The following BAZ2A variants were observed in gnomAD, a reference collection of about 807,000 sequenced individuals.
BAZ2A encodes bromodomain adjacent to zinc finger domain protein 2A.
BAZ2A carries 34 observed loss-of-function variants against 199.9 expected under a neutral mutation model. The ratio of observed to expected loss-of-function variants is 0.17; its 90% CI spans 0.13 to 0.23. The LOEUF is 0.23. Among genes scored for constraint, BAZ2A ranks in the 10% least tolerant of loss-of-function variants. The probability of loss-of-function intolerance (pLI) is 1.00; values close to 1 mark genes in which losing one functional copy is unlikely to be tolerated. For synonymous variants in BAZ2A, 857 were observed against 883.9 expected, an observed-to-expected ratio of 0.97 and a Z score of 0.54; for missense variants, 2,002 against 2,391.1, an observed-to-expected ratio of 0.84 and a Z score of 3.39.
At chr12:56,624,547 CT>C (rs1951020279) in intron 1 of BAZ2A, among the ~76,000 whole-genome samples, 2 of 150,688 alleles carry the variant, frequency 1.3e-5, no homozygotes, top group South Asian at 4.2e-4. Context: ...GTAAATCTAC[CT>C]TTTCTGCCAC....
In BAZ2A at chr12:56,599,498, G is replaced by A. The variant is rs1886203070; in HGVS notation, c.5173-140C>T. 3.3e-6 allele frequency: 4 copies of A among 1,227,312 alleles called. No individual in the cohort carries two copies. In the South Asian group the frequency reaches 6.1e-5, roughly 19 times the overall value. The allele number at this position is 1,227,312 out of a possible 1,614,324, so 76.0% of individuals were successfully genotyped here. Reference sequence around the variant, plus strand: ...CATTGGTTTATTCACATAACCCAATGAAGTAGGTAAAAGGGAAGGTATAGT... The same window carrying A: ...CATTGGTTTATTCACATAACCCAATAAAGTAGGTAAAAGGGAAGGTATAGT... On this transcript the variant is annotated intron_variant, in intron 26 of 28. Transcript: ENST00000549884.
intron 1 of BAZ2A, among the ~76,000 whole-genome samples, chr12:56,623,180 G>A (rs1385391314): frequency 2.6e-5 from 4 of 151,550 alleles, no homozygotes; most frequent in Non-Finnish European, 5.9e-5. Flanking sequence ...AGGTTGCAGT[G>A]AGCCGAGATC....
chr12:56,605,203 T>C lies in BAZ2A; in HGVS notation c.2618A>G (p.Asp873Gly). The C allele has an allele frequency of 6.2e-7, 1 of 1,613,762 alleles. No homozygotes were observed. Among genetic ancestry groups the C allele is most frequent in the East Asian group, 2.2e-5 (1 of 44,830 alleles). The change falls in exon 14 of 29, where the codon GAT (aspartate) becomes GGT (glycine). Residue 873 changes from aspartate to glycine, a missense_variant. Physicochemically the swap from Asp to Gly is moderately conservative, Grantham distance 94. This residue lies in a region of BAZ2A where 1,081 missense variants were observed against 1,274.7 expected (regional missense o/e 0.85). Transcript: ENST00000549884. ...GKVLGFDPAK[D>G]VPSLGVLQEG... ...CTGCAGGACCCCCAGGCTAGGCACA[T>C]CTTTGGCAGGATCAAAGCCCAGCAC...
intron 1 of BAZ2A, among the ~76,000 whole-genome samples, chr12:56,625,228 T>C (rs1402373458): frequency 6.7e-6 from 1 of 148,344 alleles, no homozygotes; most frequent in Admixed American, 6.8e-5. Flanking sequence ...CGATCTCTGC[T>C]CACTGCAACC....
chr12:56,610,578 C>T (rs771336073), intron 7 of BAZ2A, 61 bp from the exon 8 acceptor site: 4 of 1,496,704 alleles, frequency 2.7e-6, no homozygotes, highest in Non-Finnish European at 3.7e-6. Flanking sequence ...CCCATGCCAC[C>T]TAAGCGCGAA....
chr12:56,620,347 C>A (rs1039927987), intron 1 of BAZ2A, among the ~76,000 whole-genome samples: 16 of 151,756 alleles, frequency 1.1e-4, no homozygotes, highest in Admixed American at 2.0e-4. Context: ...TGAAAAGACC[C>A]CAGGTTAGCC....
In BAZ2A at chr12:56,612,032, T is replaced by C; in HGVS notation, c.1350A>G (p.Glu450=). ...CAACTGTAGAAGCTGCGGGACAAAC[T>C]TCTGGAGAGATTTCTGGGGAGGCTG... ...SPAASPEISP[E]VCPAASTVVS... The change falls in exon 6 of 29, where the codon GAA becomes GAG. Residue 450 remains glutamate, a synonymous_variant. Coordinates refer to ENST00000549884, the MANE Select transcript of BAZ2A (RefSeq NM_001300905.2). 6.2e-7 allele frequency: 1 copy of C among 1,613,536 alleles called. No homozygotes were observed. The highest frequency in any genetic ancestry group is 1.1e-5 in the South Asian group (1 of 91,012).
At position 56,609,780 on chromosome 12, in the gene BAZ2A, A is replaced by C; in HGVS notation, c.2048T>G (p.Leu683Trp). 2 of 1,613,914 alleles carry C rather than the reference A, an allele frequency of 1.2e-6. No individual in the cohort carries two copies. Among genetic ancestry groups the C allele is most frequent in the Non-Finnish European group, 1.7e-6 (2 of 1,179,868 alleles). ...RPPKVKITEL[L>W]NKTDNRPLKK... ...TAGGGGGCGGTTGTCTGTCTTGTTC[A>C]ATAGCTCAGTGATTTTGACCTTAGG... The change falls in exon 10 of 29, where the codon TTG becomes TGG. Residue 683 changes from leucine to tryptophan, a missense_variant. Physicochemically the swap from Leu to Trp is moderately conservative, Grantham distance 61. This residue lies in a region of BAZ2A where 1,081 missense variants were observed against 1,274.7 expected (regional missense o/e 0.85). Transcript: ENST00000549884.
In BAZ2A at chr12:56,613,240, A is replaced by G; in HGVS notation, c.917-7T>C. On this transcript the variant is annotated splice_region_variant and splice_polypyrimidine_tract_variant and intron_variant, in intron 4 of 28. Coordinates refer to ENST00000549884, the MANE Select transcript of BAZ2A (RefSeq NM_001300905.2). ...AGTCCTCCACTCACTGGCTCTGTTTACAAGGGTAGAAAAATCAGAGCAGGA... is the reference window on the plus strand; with the variant it reads ...AGTCCTCCACTCACTGGCTCTGTTTGCAAGGGTAGAAAAATCAGAGCAGGA... 1.2e-6 allele frequency: 2 copies of G among 1,612,438 alleles called. No individual in the cohort carries two copies. The highest frequency in any genetic ancestry group is 1.7e-6 in the Non-Finnish European group (2 of 1,178,510).
At chr12:56,609,039 A>G (rs1592581168) in intron 10 of BAZ2A, among the ~76,000 whole-genome samples, 1 of 144,228 alleles carries the variant, frequency 6.9e-6, no homozygotes, top group African/African-American at 2.8e-5. Context: ...ACGCCCAGCT[A>G]ATTTTTTGTT....
Position 56,600,841 on chromosome 12 carries a change from A to C in BAZ2A, c.4451-9T>G. 6.2e-7 allele frequency: 1 copy of C among 1,613,098 alleles called. No individual in the cohort carries two copies. Among genetic ancestry groups the C allele is most frequent in the Non-Finnish European group, 8.5e-7 (1 of 1,179,402 alleles). On this transcript the variant is annotated splice_polypyrimidine_tract_variant and intron_variant, in intron 22 of 28. Transcript: ENST00000549884. ...GGGCTCAAAGATGGGGTCTGAGAAGAGAGGTGGCAGAGGGAGAGGCCCATC... is the reference window on the plus strand; with the variant it reads ...GGGCTCAAAGATGGGGTCTGAGAAGCGAGGTGGCAGAGGGAGAGGCCCATC...
Position 56,600,102 on chromosome 12 carries a change from G to A in BAZ2A, c.4893-6C>T. On this transcript the variant is annotated splice_region_variant and splice_polypyrimidine_tract_variant and intron_variant, in intron 24 of 28. Transcript: ENST00000549884. ...GAGGGGTGATCTCATATGATCTGGA[G>A]GGAGAAAGTGGTGATCTTTGGAGAA... 1.2e-6 allele frequency: 2 copies of A among 1,613,890 alleles called. No individual in the cohort carries two copies. The highest frequency in any genetic ancestry group is 1.7e-6 in the Non-Finnish European group (2 of 1,179,778).
At chr12:56,620,046 T>C (rs1209798146) in intron 1 of BAZ2A, among the ~76,000 whole-genome samples, 6 of 152,086 alleles carry the variant, frequency 3.9e-5, no homozygotes. Flanking sequence ...TTATCTCCCA[T>C]ATAGGATATC....
rs1431791587 is a variant in BAZ2A at position 56,635,352 on chromosome 12, T to C, written c.4+830A>G. 6.6e-6 allele frequency among the ~76,000 whole-genome samples: 1 copy of C among 151,956 alleles called. No homozygotes were observed. The highest frequency in any genetic ancestry group is 2.4e-5 in the African/African-American group (1 of 41,362). On this transcript the variant is annotated intron_variant, in intron 1 of 29. Transcript: ENST00000379441. The surrounding 1 kb of genome is among the most constrained non-coding windows in gnomAD (Gnocchi z 4.1). ...AGAGGCCGGGGAAGGCAGAAAGAGC[T>C]ACATGGGCTCCTAGGAGGCCTAGGG...
upstream of BAZ2A, chr12:56,638,260 C>G (rs1062544): frequency 7.1e-7 from 1 of 1,404,252 alleles, no homozygotes; most frequent in Admixed American, 1.8e-5. Flanking sequence ...GCAGCCTACA[C>G]AGAAAAATGA....
At chr12:56,610,824 A>C (rs1950537217) in intron 7 of BAZ2A, among the ~76,000 whole-genome samples, 2 of 152,314 alleles carry the variant, frequency 1.3e-5, no homozygotes, top group South Asian at 4.1e-4. Context: ...CATTCAGGGC[A>C]GTTACTGGAT....
rs1886384875 is a variant in BAZ2A, at chr12:56,600,801, G to A, written c.4482C>T (p.Ala1494=). 1 of 1,613,796 alleles carries A rather than the reference G, an allele frequency of 6.2e-7. No individual in the cohort carries two copies. The highest frequency in any genetic ancestry group is 1.7e-5 in the Admixed American group (1 of 60,006). Residue 1494 remains alanine, a synonymous_variant, in exon 23 of 29, where the codon GCC becomes GCT. Transcript: ENST00000549884. ...ACCAGCTCATAATCCCTTCTTGAAA[G>A]GCAGGTAGTTGCCTGGGCTCAAAGA... ...DPIFEPRQLP[A]FQEGIMSWSP...
At chr12:56,627,324 A>G (rs1951126364) in intron 1 of BAZ2A, among the ~76,000 whole-genome samples, 1 of 151,960 alleles carries the variant, frequency 6.6e-6, no homozygotes, top group Non-Finnish European at 1.5e-5. Context: ...AAAATTAGCC[A>G]GGCATGGTGG....
At chr12:56,629,838 C>T (rs1951243296) in intron 1 of BAZ2A, 1 of 152,942 alleles carries the variant, frequency 6.5e-6, no homozygotes, top group South Asian at 2.1e-4. Context: ...CTCCACCAGC[C>T]AGGCGGCTTC....
Sources: gnomAD v4.1 joint callset for allele counts (sites outside exome capture counted in the v4.1 genomes callset) on GRCh38, gnomAD v4.1.1 for gene constraint, gnomAD v4.1.1 regional missense constraint, Gnocchi (gnomAD v3.1) non-coding constraint, MANE v1.5 for transcripts, NCBI Gene and HGNC (gene_info 2026-07-23, HGNC 2026-07-21) for gene names.